Variants in GABRR3 observed in about 807,000 individuals in gnomAD.
GABRR3 encodes the protein gamma-aminobutyric acid type A receptor subunit rho3.
GABRR3 carries 29 observed loss-of-function variants against 43.2 expected under a neutral mutation model. The observed-to-expected ratio is 0.67, with a 90% CI of 0.50 to 0.92. The LOEUF (loss-of-function observed/expected upper bound fraction) is 0.92, where lower values mean the gene tolerates loss of function less well. GABRR3 is among the 40% of genes least tolerant of loss of function. The probability of loss-of-function intolerance (pLI) is 0.00; values close to 1 mark genes in which losing one functional copy is unlikely to be tolerated. For missense variants in GABRR3, 576 were observed against 572.3 expected (o/e 1.01, Z -0.07); for synonymous variants, 206 against 195.9 (o/e 1.05, Z -0.43).
downstream of GABRR3, among the ~76,000 whole-genome samples, chr3:97,985,988 T>C (rs2316687): frequency 0.21 from 31,359 of 152,046 alleles, 3,703 homozygotes; most frequent in Middle Eastern, 0.29. Context: ...TGCCTCAGCC[T>C]CCCAAGTAGC....
chr3:98,008,908 G>T, intron 6 of GABRR3, 48 bp downstream of exon 6: 2 of 1,025,164 alleles, frequency 2.0e-6, no homozygotes, highest in South Asian at 1.4e-5. Flanking sequence ...AGTATGTGAT[G>T]GTGTGTTCAA....
intron 8 of GABRR3, chr3:97,998,087 CTT>C (rs1706586703): frequency 6.6e-6 from 1 of 151,150 alleles, no homozygotes; most frequent in African/African-American, 2.4e-5. Context: ...AAAAAAAAAA[CTT>C]AAGAAAAACA....
At chr3:98,000,665 A>C (rs1350895829) in intron 8 of GABRR3, 3 of 152,268 alleles carry the variant, frequency 2.0e-5, no homozygotes, top group Non-Finnish European at 4.4e-5. Context: ...ACATTAACTT[A>C]CAAACCACCC....
Position 97,992,844 on chromosome 3 carries a change from G to A in GABRR3, c.1104+8C>T, listed in dbSNP as rs1314939833. On this transcript the variant is annotated splice_region_variant and intron_variant, in intron 9 of 9. Coordinates refer to ENST00000621172, the Ensembl canonical transcript of GABRR3. ...CCAAGGGATCTGATAGTCAGAGCAA[G>A]GCTGTACCTTTCCTGTCTTCTTGAA... 1.3e-6 allele frequency: 2 copies of A among 1,599,620 alleles called. No homozygotes were observed. The highest frequency in any genetic ancestry group is 2.2e-5 in the East Asian group (1 of 44,766).
intron 7 of GABRR3, among the ~76,000 whole-genome samples, chr3:98,002,455 C>T (rs10511164): frequency 0.15 from 22,796 of 152,082 alleles, 1,787 homozygotes; most frequent in Admixed American, 0.18. Context: ...TCAGGTTTAC[C>T]TCTCCCATTG....
chr3:97,987,106 G>C (rs1026438377), intron 9 of GABRR3, 124 bp from the exon 10 acceptor site: 1 of 664,380 alleles, frequency 1.5e-6, no homozygotes, highest in Non-Finnish European at 2.4e-6. Context: ...AATTGGATTT[G>C]TTTTTCAACT....
rs777212444 is a variant in GABRR3, at chr3:98,012,447, C to A, written c.427G>T (p.Asp143Tyr). Residue 143 changes from aspartate to tyrosine, a missense_variant, in exon 5 of 10, where the codon GAT becomes TAT. Coordinates refer to ENST00000621172, the Ensembl canonical transcript of GABRR3. ...CTTTTAGAGTGGACAAAAAAGATAT[C>A]AGGCACCCAGATCTTTCTGGTCAAT... 2.0e-5 allele frequency: 32 copies of A among 1,613,904 alleles called. No individual in the cohort carries two copies. Among genetic ancestry groups the A allele is most frequent in the Admixed American group, 3.3e-5 (2 of 60,024 alleles).
chr3:97,990,225 C>A (rs1363452103), intron 9 of GABRR3, among the ~76,000 whole-genome samples: 2 of 152,166 alleles, frequency 1.3e-5, no homozygotes, highest in Non-Finnish European at 2.9e-5. Flanking sequence ...ATCATCATAA[C>A]AGCCCTGTGA....
chr3:98,002,948 C>G (rs925607407), intron 7 of GABRR3, among the ~76,000 whole-genome samples: 2 of 152,134 alleles, frequency 1.3e-5, no homozygotes, highest in Non-Finnish European at 2.9e-5. Flanking sequence ...CCAACCCACA[C>G]TGAACTGGCA....
chr3:98,025,855 T>C (rs1707008350), intron 2 of GABRR3, among the ~76,000 whole-genome samples, 176 bp from the exon 3 acceptor site: 1 of 152,240 alleles, frequency 6.6e-6, no homozygotes, highest in Admixed American at 6.5e-5. Flanking sequence ...ATTATATAAG[T>C]GTGGAGCAAA....
In GABRR3 at chr3:97,988,563, G is replaced by T. The variant is rs1706416526; in HGVS notation, c.1105-1581C>A. 3.9e-5 allele frequency among the ~76,000 whole-genome samples: 6 copies of T among 152,020 alleles called. No individual in the cohort carries two copies. The South Asian group carries it at 1.2e-3, about 32-fold the overall frequency. ...TGGTGGATAGTAATAATGTGAGATG[G>T]ATGGTGGTGGTAGGTGATGGAGGTG... On this transcript the variant is annotated intron_variant, in intron 9 of 9. Coordinates refer to ENST00000621172, the Ensembl canonical transcript of GABRR3.
intron 9 of GABRR3, among the ~76,000 whole-genome samples, chr3:97,987,834 T>C (rs1489831351): frequency 6.6e-6 from 1 of 150,704 alleles, no homozygotes; most frequent in Non-Finnish European, 1.5e-5. Context: ...TGGAGGGCAG[T>C]GGTGTGATTA....
intron 4 of GABRR3, among the ~76,000 whole-genome samples, chr3:98,016,716 G>C (rs748353460): frequency 1.2e-4 from 18 of 152,078 alleles, no homozygotes; most frequent in Non-Finnish European, 2.6e-4. Context: ...GAGTAAAAAG[G>C]AAATATATCT....
intron 8 of GABRR3, among the ~76,000 whole-genome samples, chr3:97,995,660 A>C (rs1383418186): frequency 6.6e-6 from 1 of 152,060 alleles, no homozygotes; most frequent in Admixed American, 6.5e-5. Flanking sequence ...GGGGGAGTGA[A>C]TGATGAGAAA....
At chr3:98,018,439 G>A (rs1183100363) in intron 3 of GABRR3, among the ~76,000 whole-genome samples, 1 of 152,144 alleles carries the variant, frequency 6.6e-6, no homozygotes, top group African/African-American at 2.4e-5. Context: ...ACAGAGCACT[G>A]CTGACACTTG....
chr3:97,996,114 A>G (rs1706550543), intron 8 of GABRR3, among the ~76,000 whole-genome samples: 1 of 152,150 alleles, frequency 6.6e-6, no homozygotes, highest in African/African-American at 2.4e-5. Context: ...GTTGACTGAT[A>G]TGATAGCAGT....
At chr3:98,004,060 C>A (rs762100194) in intron 7 of GABRR3, among the ~76,000 whole-genome samples, 4 of 152,082 alleles carry the variant, frequency 2.6e-5, no homozygotes, top group African/African-American at 9.7e-5. Flanking sequence ...AGAGAGTTGG[C>A]ACCCAGGGAA....
intron 2 of GABRR3, among the ~76,000 whole-genome samples, chr3:98,033,867 C>T (rs990396945): frequency 7.9e-5 from 12 of 152,058 alleles, no homozygotes; most frequent in Non-Finnish European, 1.2e-4. Flanking sequence ...GATTTTTAAT[C>T]GCAGTGCAGG....
At chr3:97,987,274 C>T (rs1706400201) in intron 9 of GABRR3, among the ~76,000 whole-genome samples, 1 of 152,130 alleles carries the variant, frequency 6.6e-6, no homozygotes, top group Non-Finnish European at 1.5e-5. Flanking sequence ...ATTAGCCAGG[C>T]CTTCCCATTT....
Sources: allele counts gnomAD v4.1 joint callset (sites outside exome capture counted in the v4.1 genomes callset), GRCh38; gene constraint gnomAD v4.1.1; transcripts MANE v1.5; gene names NCBI Gene and HGNC (gene_info 2026-07-23, HGNC 2026-07-21).